The following ELAPOR2 variants were observed in gnomAD, a reference collection of about 807,000 sequenced individuals.
The protein encoded by ELAPOR2 is endosome/lysosome-associated apoptosis and autophagy regulator family member 2.
Under a neutral mutation model 120.7 loss-of-function variants are expected in ELAPOR2, and 89 were observed. The observed-to-expected ratio is 0.74, with a 90% confidence interval of 0.62 to 0.88. The LOEUF is 0.88. Among genes scored for constraint, ELAPOR2 ranks in the 40% least tolerant of loss-of-function variants. The pLI is 0.00. For missense variants in ELAPOR2, 1,134 were observed against 1,251.6 expected (o/e 0.91, Z 1.42); for synonymous variants, 444 against 444.9 (o/e 1.00, Z 0.03).
chr7:87,016,353 AAT>A (rs1179748988), intron 1 of ELAPOR2, among the ~76,000 whole-genome samples: 1 of 151,758 alleles, frequency 6.6e-6, no homozygotes, highest in African/African-American at 2.4e-5. Flanking sequence ...CATCTCAAAA[AAT>A]ATATATATAT....
At chr7:87,043,018 G>C (rs1794834812) in intron 1 of ELAPOR2, among the ~76,000 whole-genome samples, 1 of 152,094 alleles carries the variant, frequency 6.6e-6, no homozygotes, top group Non-Finnish European at 1.5e-5. Flanking sequence ...TAGAAGAAAT[G>C]GATAAATTCC....
At chr7:87,048,864 C>T (rs1329246011) in intron 1 of ELAPOR2, among the ~76,000 whole-genome samples, 1 of 152,114 alleles carries the variant, frequency 6.6e-6, no homozygotes, top group Non-Finnish European at 1.5e-5. Flanking sequence ...TCAGTGTTGT[C>T]CAGAGTATAC....
chr7:86,903,949 G>C (rs192116290), intron 18 of ELAPOR2, among the ~76,000 whole-genome samples: 27 of 152,260 alleles, frequency 1.8e-4, no homozygotes, highest in African/African-American at 6.3e-4. Flanking sequence ...GGGTAAGTGT[G>C]ATATTTGCCT....
chr7:86,979,669 A>G (rs1173812511), intron 1 of ELAPOR2, among the ~76,000 whole-genome samples: 4 of 152,190 alleles, frequency 2.6e-5, no homozygotes, highest in African/African-American at 4.8e-5. Context: ...AGAGTAATAA[A>G]AGAAGAAAAT....
chr7:86,905,080 AAGGAAGGAAGG>A (rs1788917642), intron 18 of ELAPOR2, among the ~76,000 whole-genome samples: 1 of 94,792 alleles, frequency 1.1e-5, no homozygotes, highest in Non-Finnish European at 2.4e-5. Flanking sequence ...AGAAGGAAGG[AAGGAAGGAAGG>A]AAGGAAGGAA....
chr7:86,928,342 G>A (rs1790170673), intron 8 of ELAPOR2, among the ~76,000 whole-genome samples: 1 of 151,928 alleles, frequency 6.6e-6, no homozygotes, highest in Non-Finnish European at 1.5e-5. Flanking sequence ...TCATATTGGA[G>A]AGATTACTTT....
intron 1 of ELAPOR2, among the ~76,000 whole-genome samples, chr7:87,017,689 G>C (rs371442496): frequency 5.9e-5 from 9 of 152,256 alleles, no homozygotes; most frequent in African/African-American, 2.2e-4. Flanking sequence ...GGGAGGCTTA[G>C]GTGGGCAGAA....
At chr7:87,041,535 A>G (rs931640863) in intron 1 of ELAPOR2, among the ~76,000 whole-genome samples, 1 of 152,188 alleles carries the variant, frequency 6.6e-6, no homozygotes, top group African/African-American at 2.4e-5. Flanking sequence ...AAGGAGAAAT[A>G]AAATACTTTA....
intron 1 of ELAPOR2, among the ~76,000 whole-genome samples, chr7:87,015,968 G>A (rs1349165056): frequency 6.6e-6 from 1 of 151,980 alleles, no homozygotes; most frequent in Non-Finnish European, 1.5e-5. Flanking sequence ...TTCCTTTCCA[G>A]GTAACAAATC....
intron 1 of ELAPOR2, among the ~76,000 whole-genome samples, chr7:87,001,110 G>T (rs773495561): frequency 1.1e-4 from 17 of 152,156 alleles, no homozygotes; most frequent in Non-Finnish European, 2.2e-4. Context: ...CCACCCGGAA[G>T]AAGTAGAAAG....
intron 18 of ELAPOR2, among the ~76,000 whole-genome samples, chr7:86,899,072 G>C (rs570270207): frequency 6.6e-5 from 10 of 152,264 alleles, no homozygotes; most frequent in African/African-American, 1.9e-4. Context: ...GATGGATGTG[G>C]ATGGGGCTTA....
chr7:87,059,314 G>A lies in ELAPOR2; in HGVS notation c.189+11C>T. The A allele has an allele frequency of 2.4e-6, 3 of 1,248,466 alleles. No individual in the cohort carries two copies. Among genetic ancestry groups the A allele is most frequent in the Non-Finnish European group, 3.0e-6 (3 of 988,542 alleles). The allele number at this position is 1,248,466 out of a possible 1,614,324, so 77.3% of individuals were successfully genotyped here. The stretch of plus-strand genomic sequence containing the variant: ...CAGCAAACTCCAGGTAGAGGACCAG[G>A]TGCTGCTCACCTCCTGGCAAGGAGG... On this transcript the variant is annotated intron_variant, in intron 1 of 21. Coordinates refer to ENST00000450689, the MANE Select transcript of ELAPOR2 (RefSeq NM_001142749.3).
intron 8 of ELAPOR2, among the ~76,000 whole-genome samples, chr7:86,932,977 A>T (rs1365827028): frequency 1.3e-5 from 2 of 151,878 alleles, no homozygotes; most frequent in Non-Finnish European, 2.9e-5. Flanking sequence ...ATTGATATAC[A>T]TATTCTTAAT....
At chr7:87,041,758 A>G (rs1794795572) in intron 1 of ELAPOR2, among the ~76,000 whole-genome samples, 1 of 151,988 alleles carries the variant, frequency 6.6e-6, no homozygotes, top group African/African-American at 2.4e-5. Context: ...TTCACACATA[A>G]CAATATTAAC....
At chr7:87,041,377 C>T (rs1794780370) in intron 1 of ELAPOR2, among the ~76,000 whole-genome samples, 1 of 152,134 alleles carries the variant, frequency 6.6e-6, no homozygotes, top group Admixed American at 6.5e-5. Context: ...GGTCTGGTTA[C>T]CCTTAAAGGG....
intron 10 of ELAPOR2, among the ~76,000 whole-genome samples, chr7:86,925,159 G>C (rs913567570): frequency 3.9e-5 from 6 of 151,966 alleles, no homozygotes; most frequent in African/African-American, 1.4e-4. Context: ...CCAGGGCACA[G>C]TGCTGAGCCA....
chr7:86,908,360 A>C, intron 17 of ELAPOR2, 87 bp downstream of exon 17: 1 of 702,188 alleles, frequency 1.4e-6, no homozygotes, highest in East Asian at 2.9e-5. Flanking sequence ...ACATACCCAT[A>C]ATTATAAATA....
chr7:86,947,909 A>G lies in ELAPOR2; in HGVS notation c.324T>C (p.Ala108=). 6 of 1,551,198 alleles carry G rather than the reference A, an allele frequency of 3.9e-6. No homozygotes were observed. Among genetic ancestry groups the G allele is most frequent in the Non-Finnish European group, 1.7e-6 (2 of 1,146,248 alleles). The change falls in exon 3 of 22, where the codon GCT becomes GCC. Residue 108 remains alanine (A), a synonymous_variant. Coordinates refer to ENST00000450689, the MANE Select transcript of ELAPOR2 (RefSeq NM_001142749.3). ...VRGKECTFSC[A]SGEYLEMKNQ... is the part of the protein sequence containing the mutation. Reference sequence around the variant, plus strand: ...TCTTCATTTCTAGATACTCTCCAGAAGCACAGGAGAAAGCTGGAAGGCAGA... The same window carrying G: ...TCTTCATTTCTAGATACTCTCCAGAGGCACAGGAGAAAGCTGGAAGGCAGA...
chr7:87,034,217 C>G (rs1464056180), intron 1 of ELAPOR2, among the ~76,000 whole-genome samples: 2 of 152,050 alleles, frequency 1.3e-5, no homozygotes, highest in Non-Finnish European at 2.9e-5. Context: ...CCTGGTGTAG[C>G]AGCTTGGATT....
Sources: gnomAD v4.1 joint callset for allele counts (sites outside exome capture counted in the v4.1 genomes callset) on GRCh38, gnomAD v4.1.1 for gene constraint, MANE v1.5 for transcripts, NCBI Gene and HGNC (gene_info 2026-07-23, HGNC 2026-07-21) for gene names.